The following PLCXD3 variants were observed in gnomAD, a reference collection of about 807,000 sequenced individuals.
PLCXD3 encodes PI-PLC X domain-containing protein 3.
In PLCXD3, 19 loss-of-function variants were observed where a neutral mutation model predicts 25.5. The ratio of observed to expected loss-of-function variants is 0.75; its 90% CI spans 0.52 to 1.09. PLCXD3 has a LOEUF of 1.09. Ranked by LOEUF, PLCXD3 falls within the 50% of genes least tolerant of loss-of-function variation. The pLI is 0.00. For missense variants in PLCXD3, 411 were observed against 388.1 expected (o/e 1.06, Z -0.50); for synonymous variants, 174 against 137.6 (o/e 1.26, Z -1.85).
intron 1 of PLCXD3, among the ~76,000 whole-genome samples, chr5:41,385,703 C>T (rs1017943184): frequency 2.0e-5 from 3 of 152,026 alleles, no homozygotes; most frequent in Non-Finnish European, 2.9e-5. Context: ...GATGGGATGC[C>T]GCTTCTGAGA....
chr5:41,332,792 T>C (rs1328624130), intron 2 of PLCXD3, among the ~76,000 whole-genome samples: 1 of 152,024 alleles, frequency 6.6e-6, no homozygotes, highest in Admixed American at 6.6e-5. Flanking sequence ...ATGTCCTTTG[T>C]AGGGACATGG....
chr5:41,339,169 G>C (rs910986253), intron 2 of PLCXD3, among the ~76,000 whole-genome samples: 7 of 152,042 alleles, frequency 4.6e-5, no homozygotes, highest in African/African-American at 1.7e-4. Context: ...TCCCTCTTTA[G>C]CTCAGAGAAT....
In PLCXD3 at chr5:41,416,409, A is replaced by G. The variant is rs559361512; in HGVS notation, c.104-33875T>C. Among the ~76,000 whole-genome samples, 4 of 152,368 alleles carry G rather than the reference A, an allele frequency of 2.6e-5. No homozygotes were observed. The South Asian group carries it at 8.3e-4, about 32-fold the overall frequency. ...ACTGACTGAAAGCTGCCAAACCAGA[A>G]GGAAGGTCTGTGTACCTAATGTTGA... On this transcript the variant is annotated intron_variant, in intron 1 of 2. Transcript: ENST00000377801.
At chr5:41,397,994 T>C (rs181491578) in intron 1 of PLCXD3, among the ~76,000 whole-genome samples, 10 of 152,322 alleles carry the variant, frequency 6.6e-5, no homozygotes, top group African/African-American at 2.2e-4. Flanking sequence ...TACAGGATCA[T>C]TGATGGAAGG....
chr5:41,322,387 A>G (rs1743498793), intron 2 of PLCXD3, among the ~76,000 whole-genome samples: 1 of 152,216 alleles, frequency 6.6e-6, no homozygotes, highest in African/African-American at 2.4e-5. Context: ...AAAATGGTTT[A>G]TATCCAGAAA....
chr5:41,467,942 G>A (rs1365829988), intron 1 of PLCXD3, among the ~76,000 whole-genome samples: 1 of 146,144 alleles, frequency 6.8e-6, no homozygotes, highest in Non-Finnish European at 1.5e-5. Context: ...CAGGCAACAT[G>A]ATGTTTTGAT....
intron 2 of PLCXD3, among the ~76,000 whole-genome samples, chr5:41,354,319 T>C (rs929451377): frequency 1.1e-4 from 17 of 152,166 alleles, no homozygotes; most frequent in African/African-American, 4.1e-4. Context: ...AGAGTCTTCA[T>C]ATTTGAAGCA....
intron 1 of PLCXD3, among the ~76,000 whole-genome samples, chr5:41,486,883 T>C (rs145660459): frequency 6.1e-4 from 93 of 152,314 alleles, no homozygotes; most frequent in Non-Finnish European, 1.2e-3. Context: ...CCCCTGGAGC[T>C]ATTGTAAGTA....
At chr5:41,339,373 G>A (rs1333993620) in intron 2 of PLCXD3, among the ~76,000 whole-genome samples, 1 of 152,088 alleles carries the variant, frequency 6.6e-6, no homozygotes, top group East Asian at 1.9e-4. Flanking sequence ...TGCTGCCAGG[G>A]GATAATAGCC....
chr5:41,323,742 G>A (rs940544246), intron 2 of PLCXD3, among the ~76,000 whole-genome samples: 4 of 152,098 alleles, frequency 2.6e-5, no homozygotes, highest in Non-Finnish European at 5.9e-5. Context: ...AAAGACACCT[G>A]AAATCTAGAT....
chr5:41,437,869 C>G (rs1315605599), intron 1 of PLCXD3, among the ~76,000 whole-genome samples: 1 of 152,134 alleles, frequency 6.6e-6, no homozygotes, highest in East Asian at 1.9e-4. Flanking sequence ...AAAAGGGAGG[C>G]TAACTACTGT....
intron 2 of PLCXD3, among the ~76,000 whole-genome samples, chr5:41,322,978 A>C (rs1423773111): frequency 6.6e-6 from 1 of 152,132 alleles, no homozygotes; most frequent in Non-Finnish European, 1.5e-5. Flanking sequence ...GTCTAAAAAA[A>C]AAAAAAAGAA....
chr5:41,425,063 G>A (rs1232416182), intron 1 of PLCXD3, among the ~76,000 whole-genome samples: 1 of 152,070 alleles, frequency 6.6e-6, no homozygotes, highest in African/African-American at 2.4e-5. Flanking sequence ...TGCAGCTTTG[G>A]AGTTCTTAGA....
intron 1 of PLCXD3, among the ~76,000 whole-genome samples, chr5:41,398,718 T>C (rs1746085092): frequency 6.6e-6 from 1 of 152,126 alleles, no homozygotes; most frequent in Admixed American, 6.6e-5. Context: ...AGAAGGAATC[T>C]ACCTCAACAT....
At chr5:41,467,262 G>A (rs1748039778) in intron 1 of PLCXD3, among the ~76,000 whole-genome samples, 1 of 152,130 alleles carries the variant, frequency 6.6e-6, no homozygotes, top group African/African-American at 2.4e-5. Flanking sequence ...GGTGTGACGT[G>A]ATATGTCAAT....
At position 41,381,850 on chromosome 5, in the gene PLCXD3, C is replaced by A; in HGVS notation, c.788G>T (p.Gly263Val). 2 of 1,609,402 alleles carry A rather than the reference C, an allele frequency of 1.2e-6. No homozygotes were observed. Among genetic ancestry groups the A allele is most frequent in the Non-Finnish European group, 1.7e-6 (2 of 1,178,162 alleles). ...CCTTTCTGTGATTGTTTCTCTGAGG[C>A]CACTTGCCACCCCTTTGACCACAGT... ...ASTVVKGVAS[G>V]LRETITERAL... Residue 263 changes from glycine to valine, a missense_variant, in exon 2 of 3, where the codon GGC (glycine) becomes GTC (valine). By Grantham distance (109) the Gly-to-Val change is moderately radical. Transcript: ENST00000377801.
At chr5:41,491,735 T>A (rs1748702187) in intron 1 of PLCXD3, among the ~76,000 whole-genome samples, 2 of 152,120 alleles carry the variant, frequency 1.3e-5, no homozygotes, top group South Asian at 4.2e-4. Flanking sequence ...AAGTCTGTTT[T>A]ATCAGAGACT....
At chr5:41,426,628 G>GT (rs1746962125) in intron 1 of PLCXD3, among the ~76,000 whole-genome samples, 1 of 152,006 alleles carries the variant, frequency 6.6e-6, no homozygotes, top group South Asian at 2.1e-4. Context: ...CCACTGCCAT[G>GT]TTATTACTGT....
chr5:41,493,716 G>T (rs567012498), intron 1 of PLCXD3, among the ~76,000 whole-genome samples: 25 of 152,180 alleles, frequency 1.6e-4, no homozygotes, highest in Non-Finnish European at 3.7e-4. Flanking sequence ...GCGAGACTCC[G>T]TGGGCATTTA....
Sources: allele counts gnomAD v4.1 joint callset (sites outside exome capture counted in the v4.1 genomes callset), GRCh38; gene constraint gnomAD v4.1.1; transcripts MANE v1.5; gene names NCBI Gene and HGNC (gene_info 2026-07-23, HGNC 2026-07-21).